The following TRAF3IP2 variants were observed in gnomAD, a reference collection of about 807,000 sequenced individuals.
TRAF3IP2 encodes the protein E3 ubiquitin ligase TRAF3IP2.
Under a neutral mutation model 57.9 loss-of-function variants are expected in TRAF3IP2, and 35 were observed. The ratio of observed to expected loss-of-function variants is 0.60; its 90% CI spans 0.46 to 0.80. The LOEUF (loss-of-function observed/expected upper bound fraction) is 0.80, where lower values mean the gene tolerates loss of function less well. TRAF3IP2 is among the 30% of genes least tolerant of loss of function. The pLI is 0.00. For synonymous variants in TRAF3IP2, 251 were observed against 268.9 expected, an observed-to-expected ratio of 0.93 and a Z score of 0.65; for missense variants, 556 against 706.4, an observed-to-expected ratio of 0.79 and a Z score of 2.41.
At chr6:111,599,101 T>A (rs1255973719) in intron 1 of TRAF3IP2, among the ~76,000 whole-genome samples, 3 of 138,900 alleles carry the variant, frequency 2.2e-5, no homozygotes, top group Non-Finnish European at 4.6e-5. Context: ...AGCGACAGAG[T>A]CTCGCCATGT....
At chr6:111,601,210 G>C (rs776843083) in intron 1 of TRAF3IP2, 1 of 779,084 alleles carries the variant, frequency 1.3e-6, no homozygotes, top group South Asian at 1.3e-5. Flanking sequence ...AAGCTGAGGA[G>C]GCATGGAAGC....
intron 1 of TRAF3IP2, chr6:111,598,241 C>T (rs1796758732): frequency 5.3e-6 from 1 of 187,874 alleles, no homozygotes; most frequent in Non-Finnish European, 1.1e-5. Context: ...TTCTCTCATA[C>T]TTTGCCAAGG....
rs1240987623 is a variant in TRAF3IP2 at position 111,566,497 on chromosome 6, A to G, written c.1423T>C (p.Ser475Pro). Reference sequence around the variant, plus strand: ...CCATGCTCATCCTCGTCCAGCTGCGACTCAGCGCCTTCCACGTCCTGTTTG... The same window carrying G: ...CCATGCTCATCCTCGTCCAGCTGCGGCTCAGCGCCTTCCACGTCCTGTTTG... The part of the protein sequence containing the change: ...KYKQDVEGAE[S>P]QLDEDEHGLH... The change falls in exon 7 of 9, where the codon TCG (serine) becomes CCG (proline). Residue 475 changes from serine (S) to proline (P), a missense_variant. By Grantham distance (74) the Ser-to-Pro change is moderately conservative (BLOSUM62 -1). Coordinates refer to ENST00000368761, the MANE Select transcript of TRAF3IP2 (RefSeq NM_147686.4). 6.2e-7 allele frequency: 1 copy of G among 1,613,974 alleles called. No homozygotes were observed. The highest frequency in any genetic ancestry group is 8.5e-7 in the Non-Finnish European group (1 of 1,179,984).
chr6:111,559,394 G>C lies in TRAF3IP2; in HGVS notation c.*11C>G. The C allele has an allele frequency of 6.2e-7, 1 of 1,612,264 alleles. No homozygotes were observed. Among genetic ancestry groups the C allele is most frequent in the East Asian group, 2.2e-5 (1 of 44,886 alleles). ...CATGGCCTGGCCTCAGTGATCTGGGGATGAACGGTGTCACAAGGGAACCAC... is the reference window on the plus strand; with the variant it reads ...CATGGCCTGGCCTCAGTGATCTGGGCATGAACGGTGTCACAAGGGAACCAC... On this transcript the variant is annotated 3_prime_UTR_variant, in exon 9 of 9. Transcript: ENST00000368761.
At chr6:111,559,794 A>G (rs113284761) in intron 8 of TRAF3IP2, among the ~76,000 whole-genome samples, 1 of 152,246 alleles carries the variant, frequency 6.6e-6, no homozygotes, top group South Asian at 2.1e-4. Context: ...TCAGTCTCCC[A>G]GACTACCTAC....
intron 1 of TRAF3IP2, among the ~76,000 whole-genome samples, chr6:111,594,825 G>A (rs1249529118): frequency 1.3e-5 from 2 of 152,250 alleles, no homozygotes; most frequent in Admixed American, 1.3e-4. Flanking sequence ...TGAGGTGAGA[G>A]GTCACTTGAG....
Position 111,591,483 on chromosome 6 carries a change from G to C in TRAF3IP2, c.604C>G (p.Gln202Glu). ...LPTIDTGYDS[Q>E]PQDVLGIRQL... ...CTGATGCCCAGGACATCCTGGGGCT[G>C]GGAATCATATCCCGTGTCTATGGTT... The change falls in exon 2 of 9, where the codon CAG (glutamine) becomes GAG (glutamate). Residue 202 changes from glutamine to glutamate, a missense_variant. Coordinates refer to ENST00000368761, the MANE Select transcript of TRAF3IP2 (RefSeq NM_147686.4). The surrounding 1 kb of genome is among the most constrained non-coding windows in gnomAD (Gnocchi z 4.9). The C allele has an allele frequency of 6.2e-7, 1 of 1,606,048 alleles. No individual in the cohort carries two copies. The highest frequency in any genetic ancestry group is 8.5e-7 in the Non-Finnish European group (1 of 1,174,332).
chr6:111,561,610 T>C (rs1047627374), intron 8 of TRAF3IP2, among the ~76,000 whole-genome samples: 1 of 152,088 alleles, frequency 6.6e-6, no homozygotes, highest in African/African-American at 2.4e-5. Flanking sequence ...CATGCTGAAA[T>C]GGTCCAGGGT....
chr6:111,565,773 A>G (rs1795616421), intron 7 of TRAF3IP2, among the ~76,000 whole-genome samples: 3 of 152,222 alleles, frequency 2.0e-5, no homozygotes, highest in Admixed American at 6.5e-5. Flanking sequence ...TTATTTGAAT[A>G]TAACCAGGCC....
At chr6:111,564,955 C>T (rs1464202116) in intron 7 of TRAF3IP2, among the ~76,000 whole-genome samples, 3 of 152,112 alleles carry the variant, frequency 2.0e-5, no homozygotes, top group South Asian at 2.1e-4. Flanking sequence ...AACCAAGGGC[C>T]GGCAGCACCC....
chr6:111,559,479 G>A lies in TRAF3IP2; in HGVS notation c.1624C>T (p.Arg542Trp), dbSNP rs148316010. 12 of 1,614,074 alleles carry A rather than the reference G, an allele frequency of 7.4e-6. No individual in the cohort carries two copies. The highest frequency in any genetic ancestry group is 2.2e-5 in the East Asian group (1 of 44,904). Reference sequence around the variant, plus strand: ...ACATACTCTTCCTCTCTCAGCAGCCGCAGCAGGATGTTTTTTTTATTCTTG... The same window carrying A: ...ACATACTCTTCCTCTCTCAGCAGCCACAGCAGGATGTTTTTTTTATTCTTG... ...WPKNKKNILL[R>W]LLREEEYVAP... is the part of the protein sequence containing the mutation. The change falls in exon 9 of 9, where the codon CGG becomes TGG. Residue 542 changes from arginine to tryptophan, a missense_variant. Physicochemically the swap from Arg to Trp is moderately radical, Grantham distance 101. This residue lies in a region of TRAF3IP2 where 128 missense variants were observed against 207.7 expected (regional missense o/e 0.62). Coordinates refer to ENST00000368761, the MANE Select transcript of TRAF3IP2 (RefSeq NM_147686.4).
At position 111,559,274 on chromosome 6, in the gene TRAF3IP2, G is replaced by C; in HGVS notation, c.*131C>G. ...GAGCTCTGCACAACAGGTTTCCTGG[G>C]GGCCAGAGGGCCTCTCGGGGAGGAA... On this transcript the variant is annotated 3_prime_UTR_variant, in exon 9 of 9. Coordinates refer to ENST00000368761, the MANE Select transcript of TRAF3IP2 (RefSeq NM_147686.4). The C allele has an allele frequency of 7.7e-7, 1 of 1,294,622 alleles. No homozygotes were observed. Among genetic ancestry groups the C allele is most frequent in the Non-Finnish European group, 1.1e-6 (1 of 944,332 alleles). The allele number at this position is 1,294,622 out of a possible 1,614,324, so 80.2% of individuals were successfully genotyped here.
At chr6:111,562,855 AAAAAG>A (rs1795497911) in intron 8 of TRAF3IP2, 105 bp downstream of exon 8, 1 of 816,838 alleles carries the variant, frequency 1.2e-6, no homozygotes, top group African/African-American at 1.7e-5. Flanking sequence ...AAAAAAAAAA[AAAAAG>A]AAAAGAAAGA....
Position 111,580,271 on chromosome 6 carries a change from A to G in TRAF3IP2, c.948T>C (p.Asn316=). 1 of 1,613,090 alleles carries G rather than the reference A, an allele frequency of 6.2e-7. No individual in the cohort carries two copies. The highest frequency in any genetic ancestry group is 8.5e-7 in the Non-Finnish European group (1 of 1,179,134). The part of the protein sequence containing the change: ...GLHPVQKVIL[N]YPSPWDHEER... The stretch of plus-strand genomic sequence containing the variant: ...CTTCGTGGTCCCAGGGGCTGGGATA[A>G]TTCAGGATAACCTTCTGCACAGGGT... Residue 316 remains asparagine (N), a synonymous_variant, in exon 3 of 9, where the codon AAT becomes AAC. Transcript: ENST00000368761.
At chr6:111,572,733 T>C in intron 5 of TRAF3IP2, 162 bp downstream of exon 5, 2 of 650,118 alleles carry the variant, frequency 3.1e-6, no homozygotes, top group East Asian at 2.8e-5. Context: ...GCTTAAAATC[T>C]AGAAAATTAT....
rs892479534 is a variant in TRAF3IP2, at chr6:111,582,831, T to C, written c.830-2442A>G. On this transcript the variant is annotated intron_variant, in intron 2 of 8. Coordinates refer to ENST00000368761, the MANE Select transcript of TRAF3IP2 (RefSeq NM_147686.4). ...CTGTAGATCTTGCCTCCCACTACAC[T>C]CTCACTGGCCCACTAAGCTCTGGCT... Among the ~76,000 whole-genome samples, 49 of 152,048 alleles carry C rather than the reference T, an allele frequency of 3.2e-4. 1 individual carries two copies. Among genetic ancestry groups the C allele is most frequent in the Non-Finnish European group, 1.5e-5 (1 of 67,982 alleles).
At chr6:111,601,106 T>C in intron 1 of TRAF3IP2, 1 of 685,528 alleles carries the variant, frequency 1.5e-6, no homozygotes, top group Non-Finnish European at 2.8e-6. Context: ...GAGCACTGAC[T>C]GGTTCAGCTA....
rs1329623928 is a variant in TRAF3IP2 at position 111,558,364 on chromosome 6, A to G, written c.*1041T>C. On this transcript the variant is annotated 3_prime_UTR_variant, in exon 9 of 9. Coordinates refer to ENST00000368761, the MANE Select transcript of TRAF3IP2 (RefSeq NM_147686.4). ...CCTATGTAGTCAGATCCTGAGAACC[A>G]TAATCATACTATTTAGAATCATGGC... is the stretch of plus-strand genomic sequence containing the variant. 6.6e-6 allele frequency: 1 copy of G among 152,250 alleles called. No homozygotes were observed. The highest frequency in any genetic ancestry group is 2.4e-5 in the African/African-American group (1 of 41,476). The allele number at this position is 152,250 out of a possible 1,614,324, so 9.4% of individuals were successfully genotyped here.
chr6:111,559,251 G>T lies in TRAF3IP2; in HGVS notation c.*154C>A. On this transcript the variant is annotated 3_prime_UTR_variant, in exon 9 of 9. Transcript: ENST00000368761. ...GGTGTGTGGAGGTCTCCGGGGAAGA[G>T]CTCTGCACAACAGGTTTCCTGGGGG... 1 of 1,008,096 alleles carries T rather than the reference G, an allele frequency of 9.9e-7. No individual in the cohort carries two copies. Among genetic ancestry groups the T allele is most frequent in the Non-Finnish European group, 1.4e-6 (1 of 693,474 alleles). The allele number at this position is 1,008,096 out of a possible 1,614,324, so 62.4% of individuals were successfully genotyped here.
Sources: allele counts gnomAD v4.1 joint callset (sites outside exome capture counted in the v4.1 genomes callset), GRCh38; gene constraint gnomAD v4.1.1; regional missense constraint gnomAD v4.1.1; non-coding constraint Gnocchi (gnomAD v3.1); transcripts MANE v1.5; gene names NCBI Gene and HGNC (gene_info 2026-07-23, HGNC 2026-07-21).